Variants in GRIN2B observed in about 807,000 individuals in gnomAD.
GRIN2B encodes the protein glutamate ionotropic receptor NMDA type subunit 2B.
A neutral mutation model predicts 114.5 loss-of-function variants in GRIN2B; 5 were observed. That is an observed-to-expected ratio of 0.04 (90% CI 0.02 to 0.09). The LOEUF (loss-of-function observed/expected upper bound fraction) is 0.09, where lower values mean the gene tolerates loss of function less well. Ranked by LOEUF, GRIN2B falls within the 10% of genes least tolerant of loss-of-function variation. The pLI is 1.00. For missense variants in GRIN2B, 1,108 were observed against 1,943.5 expected, an observed-to-expected ratio of 0.57 and a Z score of 8.08; for synonymous variants, 787 against 745.1, an observed-to-expected ratio of 1.06 and a Z score of -0.92.
At position 13,562,998 on chromosome 12, in the gene GRIN2B, C is replaced by T. The variant is rs140744818; in HGVS notation, c.4240G>A (p.Ala1414Thr). 4 of 1,613,504 alleles carry T rather than the reference C, an allele frequency of 2.5e-6. No individual in the cohort carries two copies. The highest frequency in any genetic ancestry group is 1.7e-5 in the Admixed American group (1 of 60,016). ...YFFRQPTVAG[A>T]SKARPDFRAL... The stretch of plus-strand genomic sequence containing the variant: ...CGGAAGTCCGGCCTGGCTTTCGACG[C>T]CCCCGCCACCGTGGGCTGCCTGAAG... Residue 1414 changes from alanine (A) to threonine (T), a missense_variant, in exon 14 of 14, where the codon GCG (alanine) becomes ACG (threonine). Around this residue, in one of 19 missense-constraint regions of GRIN2B, gnomAD observed 478 missense variants for 506.0 expected, o/e 0.94. Coordinates refer to ENST00000609686, the MANE Select transcript of GRIN2B (RefSeq NM_000834.5).
intron 10 of GRIN2B, among the ~76,000 whole-genome samples, chr12:13,597,688 G>C (rs7137583): frequency 0.03 from 4,537 of 152,216 alleles, 246 homozygotes; most frequent in African/African-American, 0.1. Context: ...GTGCTTTCTC[G>C]CTTTCATAAA....
chr12:13,591,123 TCCA>T (rs1328732132), intron 10 of GRIN2B, among the ~76,000 whole-genome samples: 1 of 152,094 alleles, frequency 6.6e-6, no homozygotes, highest in East Asian at 1.9e-4. Context: ...TGCTGCCCCT[TCCA>T]CATCTTTTTT....
intron 4 of GRIN2B, among the ~76,000 whole-genome samples, chr12:13,684,573 A>G (rs1049561037): frequency 6.6e-6 from 1 of 152,206 alleles, no homozygotes; most frequent in Non-Finnish European, 1.5e-5. Flanking sequence ...AATGCTAGAA[A>G]GGTAGAAATC....
At chr12:13,673,923 T>C (rs1019359014) in intron 5 of GRIN2B, among the ~76,000 whole-genome samples, 15 of 152,076 alleles carry the variant, frequency 9.9e-5, no homozygotes, top group African/African-American at 3.6e-4. Context: ...CTGTTATACA[T>C]GAAGAACCCA....
chr12:13,936,575 T>G (rs910811972), intron 2 of GRIN2B, among the ~76,000 whole-genome samples: 1 of 152,196 alleles, frequency 6.6e-6, no homozygotes, highest in African/African-American at 2.4e-5. Flanking sequence ...GTATTTAAGC[T>G]GCAAGAATTA....
At chr12:13,767,041 G>A (rs964481220) in intron 3 of GRIN2B, among the ~76,000 whole-genome samples, 1 of 152,106 alleles carries the variant, frequency 6.6e-6, no homozygotes, top group African/African-American at 2.4e-5. Flanking sequence ...TGGATCACGA[G>A]GTCAGGAGAA....
chr12:13,562,395 G>T lies in GRIN2B; in HGVS notation c.*388C>A. On this transcript the variant is annotated 3_prime_UTR_variant, in exon 14 of 14. Coordinates refer to ENST00000609686, the MANE Select transcript of GRIN2B (RefSeq NM_000834.5). ...GATCAGTTTGGGAAAAGCTACCTTT[G>T]TGCTCACATAGCCTCTTTTTGGTTC... 9.1e-6 allele frequency: 2 copies of T among 220,716 alleles called. No homozygotes were observed. The highest frequency in any genetic ancestry group is 9.0e-6 in the Non-Finnish European group (1 of 110,952). The allele number at this position is 220,716 out of a possible 1,614,324, so 13.7% of individuals were successfully genotyped here.
At chr12:13,792,282 AGAG>A (rs1336025623) in intron 3 of GRIN2B, among the ~76,000 whole-genome samples, 2 of 152,226 alleles carry the variant, frequency 1.3e-5, no homozygotes, top group African/African-American at 4.8e-5. Context: ...GGAGCTCCCT[AGAG>A]GAGAACTTAC....
intron 4 of GRIN2B, among the ~76,000 whole-genome samples, chr12:13,688,348 A>T (rs1446037528): frequency 2.0e-5 from 3 of 152,204 alleles, no homozygotes; most frequent in Admixed American, 1.3e-4. Context: ...CCCTGATGCC[A>T]TCACCATAAA....
At chr12:13,725,931 T>C (rs1296973375) in intron 4 of GRIN2B, among the ~76,000 whole-genome samples, 1 of 151,654 alleles carries the variant, frequency 6.6e-6, no homozygotes, top group African/African-American at 2.4e-5. Context: ...CAGACTGGAG[T>C]TTCTTGCAGA....
intron 3 of GRIN2B, among the ~76,000 whole-genome samples, chr12:13,834,062 G>A (rs1434281864): frequency 2.7e-5 from 3 of 112,588 alleles, no homozygotes; most frequent in East Asian, 3.1e-4. Context: ...ACGGAGTCTC[G>A]CACTGTCTCC....
chr12:13,633,915 CA>C (rs527499224), intron 5 of GRIN2B, among the ~76,000 whole-genome samples: 46 of 150,702 alleles, frequency 3.1e-4, no homozygotes, highest in Admixed American at 2.6e-3. Flanking sequence ...CAGCTGCTGA[CA>C]GGAGGAATGT....
At chr12:13,716,300 A>G (rs1215120278) in intron 4 of GRIN2B, among the ~76,000 whole-genome samples, 1 of 151,928 alleles carries the variant, frequency 6.6e-6, no homozygotes, top group East Asian at 1.9e-4. Context: ...AGGAGAGTAT[A>G]GTGTAGGGAG....
chr12:13,843,052 T>G (rs773491774), intron 3 of GRIN2B, among the ~76,000 whole-genome samples: 1 of 143,124 alleles, frequency 7.0e-6, no homozygotes, highest in Non-Finnish European at 1.5e-5. Flanking sequence ...TTTATTTATT[T>G]ATATTTTATT....
At chr12:13,935,386 T>G (rs1013924116) in intron 2 of GRIN2B, among the ~76,000 whole-genome samples, 2 of 152,240 alleles carry the variant, frequency 1.3e-5, no homozygotes, top group African/African-American at 2.4e-5. Flanking sequence ...TGTGCATTTA[T>G]GAAGCATTTC....
At chr12:13,737,324 G>A (rs1863203429) in intron 4 of GRIN2B, among the ~76,000 whole-genome samples, 1 of 151,460 alleles carries the variant, frequency 6.6e-6, no homozygotes. Flanking sequence ...CCATTCTCCT[G>A]CCTCAGCCTC....
At chr12:13,719,219 A>G (rs1260889938) in intron 4 of GRIN2B, among the ~76,000 whole-genome samples, 1 of 152,076 alleles carries the variant, frequency 6.6e-6, no homozygotes, top group Non-Finnish European at 1.5e-5. Context: ...CTGCACAGTG[A>G]GCCACTTGCT....
At chr12:13,851,458 A>G (rs761925009) in intron 3 of GRIN2B, among the ~76,000 whole-genome samples, 58 of 152,186 alleles carry the variant, frequency 3.8e-4, no homozygotes, top group Non-Finnish European at 7.6e-4. Context: ...CAGACTTTAT[A>G]ACCTAAACAA....
chr12:13,807,849 A>G (rs2111512), intron 3 of GRIN2B, among the ~76,000 whole-genome samples: 25,761 of 151,532 alleles, frequency 0.17, 2,284 homozygotes, highest in South Asian at 0.24. Context: ...CAGGACTGTC[A>G]TAGAATCAGG....
Sources: allele counts gnomAD v4.1 joint callset (sites outside exome capture counted in the v4.1 genomes callset), GRCh38; gene constraint gnomAD v4.1.1; regional missense constraint gnomAD v4.1.1; transcripts MANE v1.5; gene names NCBI Gene and HGNC (gene_info 2026-07-23, HGNC 2026-07-21).